ASCC3: variants seen among roughly 807,000 people sequenced by gnomAD.
ASCC3 encodes the protein ASC-1 complex subunit P200.
ASCC3 carries 158 observed loss-of-function variants against 256.3 expected under a neutral mutation model. The ratio of observed to expected loss-of-function variants is 0.62; its 90% CI spans 0.54 to 0.70. The LOEUF is 0.70. ASCC3 is among the 30% of genes least tolerant of loss of function. The probability of loss-of-function intolerance (pLI) is 0.00; values close to 1 mark genes in which losing one functional copy is unlikely to be tolerated. For missense variants in ASCC3, 2,259 were observed against 2,626.0 expected (o/e 0.86, Z 3.05); for synonymous variants, 948 against 883.4 (o/e 1.07, Z -1.30).
intron 30 of ASCC3, among the ~76,000 whole-genome samples, chr6:100,608,833 G>A (rs1773237025): frequency 7.9e-6 from 1 of 126,060 alleles, no homozygotes; most frequent in African/African-American, 3.0e-5. Flanking sequence ...GCGTGATCTC[G>A]GCTCACTGCA....
At position 100,689,871 on chromosome 6, in the gene ASCC3, C is replaced by T. The variant is rs78634839; in HGVS notation, c.2152-10119G>A. ...ATAGTGTTATAGAAATACATGTATG[C>T]GTATTTTAGTGCTATTAAAAGGTGT... On this transcript the variant is annotated intron_variant, in intron 13 of 41. Transcript: ENST00000369162. Among the ~76,000 whole-genome samples the T allele has an allele frequency of 0.013, 1,944 of 151,790 alleles. 97 individuals are homozygous for T. In the East Asian group the frequency reaches 0.15, roughly 11 times the overall value.
At chr6:100,550,301 GA>G (rs1769225890) in intron 36 of ASCC3, among the ~76,000 whole-genome samples, 1 of 151,770 alleles carries the variant, frequency 6.6e-6, no homozygotes, top group Non-Finnish European at 1.5e-5. Context: ...GATTTTGAAT[GA>G]AAACACTAAT....
chr6:100,835,585 C>T (rs1771836155), intron 4 of ASCC3, among the ~76,000 whole-genome samples: 1 of 151,876 alleles, frequency 6.6e-6, no homozygotes, highest in African/African-American at 2.4e-5. Flanking sequence ...GGCTATAAGC[C>T]CATGGATTTA....
intron 30 of ASCC3, among the ~76,000 whole-genome samples, chr6:100,620,210 T>C (rs1416503410): frequency 6.6e-6 from 1 of 152,100 alleles, no homozygotes; most frequent in Non-Finnish European, 1.5e-5. Context: ...ACTTGAAGCT[T>C]GAGAGAATGA....
chr6:100,813,853 A>T (rs982733641), intron 4 of ASCC3, among the ~76,000 whole-genome samples: 1 of 151,964 alleles, frequency 6.6e-6, no homozygotes. Context: ...GGCCACAACT[A>T]TGGGGTTTTC....
intron 36 of ASCC3, among the ~76,000 whole-genome samples, chr6:100,549,726 A>C (rs575237341): frequency 3.3e-4 from 50 of 152,120 alleles, no homozygotes; most frequent in South Asian, 8.3e-4. Flanking sequence ...GAAATCTAAA[A>C]AAAAAATTTT....
At position 100,508,963 on chromosome 6, in the gene ASCC3, G is replaced by A. The variant is rs1773625396; in HGVS notation, c.*423C>T. On this transcript the variant is annotated 3_prime_UTR_variant, in exon 42 of 42. Coordinates refer to ENST00000369162, the MANE Select transcript of ASCC3 (RefSeq NM_006828.4). ...CTGTGTACCACCTTACAGATTTATA[G>A]TTTATGCGGCAGAGTTAGAAATCTG... The A allele has an allele frequency of 4.6e-6, 1 of 217,246 alleles. No homozygotes were observed. Among genetic ancestry groups the A allele is most frequent in the Non-Finnish European group, 9.3e-6 (1 of 107,786 alleles). 13.5% of individuals were successfully genotyped at this position (217,246 alleles called of 1,614,324 possible).
intron 37 of ASCC3, 44 bp downstream of exon 37, chr6:100,540,119 T>C: frequency 6.5e-7 from 1 of 1,530,720 alleles, no homozygotes; most frequent in Non-Finnish European, 9.1e-7. Flanking sequence ...AGGGCAGGAA[T>C]GATGGGAGAA....
intron 4 of ASCC3, among the ~76,000 whole-genome samples, chr6:100,843,469 C>T (rs578146415): frequency 6.6e-6 from 1 of 152,268 alleles, no homozygotes; most frequent in African/African-American, 2.4e-5. Flanking sequence ...AAACTCAAAA[C>T]TCTCTTTTTC....
intron 13 of ASCC3, among the ~76,000 whole-genome samples, chr6:100,693,427 C>T (rs1266096165): frequency 1.3e-5 from 2 of 151,310 alleles, no homozygotes; most frequent in Non-Finnish European, 2.9e-5. Context: ...AGAGTTGGGG[C>T]AGCATTTTCA....
chr6:100,733,929 T>C (rs959775392), intron 10 of ASCC3, among the ~76,000 whole-genome samples: 3 of 152,144 alleles, frequency 2.0e-5, no homozygotes, highest in African/African-American at 7.2e-5. Flanking sequence ...AAACAAAATA[T>C]ATATACGCTC....
intron 36 of ASCC3, among the ~76,000 whole-genome samples, chr6:100,561,967 C>T (rs549775625): frequency 6.6e-6 from 1 of 152,176 alleles, no homozygotes; most frequent in East Asian, 1.9e-4. Flanking sequence ...ACACACAAAA[C>T]AACGAATAGA....
intron 41 of ASCC3, among the ~76,000 whole-genome samples, 171 bp downstream of exon 41, chr6:100,509,761 G>A (rs1252460230): frequency 6.6e-6 from 1 of 151,854 alleles, no homozygotes; most frequent in East Asian, 1.9e-4. Context: ...AGTGGCGGGC[G>A]CCTGTAGTCC....
chr6:100,851,211 C>G (rs1243525427), intron 3 of ASCC3, among the ~76,000 whole-genome samples: 1 of 152,096 alleles, frequency 6.6e-6, no homozygotes, highest in East Asian at 1.9e-4. Context: ...CAAGTTATTT[C>G]CCCTATGTCA....
At chr6:100,580,189 T>G (rs1771138625) in intron 36 of ASCC3, among the ~76,000 whole-genome samples, 1 of 152,168 alleles carries the variant, frequency 6.6e-6, no homozygotes, top group Non-Finnish European at 1.5e-5. Flanking sequence ...ATTCTGGAAA[T>G]GCTAATTCTT....
At chr6:100,592,113 A>T (rs971844935) in intron 34 of ASCC3, among the ~76,000 whole-genome samples, 1 of 151,450 alleles carries the variant, frequency 6.6e-6, no homozygotes, top group African/African-American at 2.4e-5. Flanking sequence ...CAGGGTAAAT[A>T]TATCTTAAAC....
intron 26 of ASCC3, among the ~76,000 whole-genome samples, chr6:100,630,033 G>C (rs946846803): frequency 1.3e-5 from 2 of 151,684 alleles, no homozygotes; most frequent in Non-Finnish European, 2.9e-5. Flanking sequence ...TGGGATTACA[G>C]GCATGCACCA....
intron 1 of ASCC3, among the ~76,000 whole-genome samples, chr6:100,875,644 G>A (rs181830219): frequency 6.6e-6 from 1 of 152,254 alleles, no homozygotes; most frequent in East Asian, 1.9e-4. Context: ...AGACAGTAGA[G>A]AGTTAAGAAC....
Position 100,605,571 on chromosome 6 carries a change from G to T in ASCC3, c.5174C>A (p.Ser1725Ter). The T allele has an allele frequency of 6.7e-7, 1 of 1,492,172 alleles. No homozygotes were observed. The highest frequency in any genetic ancestry group is 9.3e-7 in the Non-Finnish European group (1 of 1,070,302). The allele number at this position is 1,492,172 out of a possible 1,614,324, so 92.4% of individuals were successfully genotyped here. Reference sequence around the variant, plus strand: ...AACTAATTTAAATAAGATTTACCTTGATTCTACTGGGAAAGGTTCATAAAG... The same window carrying T: ...AACTAATTTAAATAAGATTTACCTTTATTCTACTGGGAAAGGTTCATAAAG... ...KFLYEPFPVE[S>*]SLLGVLSDHL... The change falls in exon 33 of 42, where the codon TCA (serine) becomes TAA (stop). Residue 1725 changes from serine to a stop codon, truncating the protein, a stop_gained. Coordinates refer to ENST00000369162, the MANE Select transcript of ASCC3 (RefSeq NM_006828.4). LOFTEE classifies it high-confidence loss of function.
Sources: gnomAD v4.1 joint callset for allele counts (sites outside exome capture counted in the v4.1 genomes callset) on GRCh38, gnomAD v4.1.1 for gene constraint, MANE v1.5 for transcripts, NCBI Gene and HGNC (gene_info 2026-07-23, HGNC 2026-07-21) for gene names.